The following SLC36A4 variants were observed in gnomAD, a reference collection of about 807,000 sequenced individuals.
SLC36A4 encodes solute carrier family 36 member 4.
Under a neutral mutation model 50.5 loss-of-function variants are expected in SLC36A4, and 49 were observed. The observed-to-expected ratio is 0.97, with a 90% CI of 0.77 to 1.23. The LOEUF (loss-of-function observed/expected upper bound fraction) is 1.23, where lower values mean the gene tolerates loss of function less well. Among genes scored for constraint, SLC36A4 ranks in the 50% most tolerant of loss-of-function variants. The pLI is 0.00. For missense variants in SLC36A4, 611 were observed against 608.4 expected (o/e 1.00, Z -0.05); for synonymous variants, 207 against 206.5 (o/e 1.00, Z -0.02).
At chr11:93,189,904 T>C (rs1862144146) in intron 1 of SLC36A4, among the ~76,000 whole-genome samples, 2 of 152,220 alleles carry the variant, frequency 1.3e-5, no homozygotes, top group East Asian at 1.9e-4. Flanking sequence ...CCTGGAAATC[T>C]AGAATTGTTA....
intron 6 of SLC36A4, among the ~76,000 whole-genome samples, chr11:93,172,780 A>AT (rs1434350149): frequency 1.6e-5 from 2 of 127,112 alleles, no homozygotes; most frequent in Non-Finnish European, 3.3e-5. Context: ...TGAACTCATC[A>AT]TTTTTTATGG....
Position 93,197,960 on chromosome 11 carries a change from G to T in SLC36A4, c.-128C>A. 1.0e-6 allele frequency: 1 copy of T among 999,562 alleles called. No individual in the cohort carries two copies. Among genetic ancestry groups the T allele is most frequent in the Non-Finnish European group, 1.4e-6 (1 of 737,678 alleles). The allele number at this position is 999,562 out of a possible 1,614,324, so 61.9% of individuals were successfully genotyped here. A position where few individuals can be genotyped will look rare whatever the true frequency, so the allele number is the denominator to read the frequency against. On this transcript the variant is annotated 5_prime_UTR_variant, in exon 1 of 11. Transcript: ENST00000326402. ...CGCCTGGTGCCCGCCTCCCTGCCCCGGCGCTCCCCAACCGCGCGGCGAGGA... is the reference window on the plus strand; with the variant it reads ...CGCCTGGTGCCCGCCTCCCTGCCCCTGCGCTCCCCAACCGCGCGGCGAGGA...
At chr11:93,171,224 G>C (rs1250327748) in intron 6 of SLC36A4, 1 of 151,510 alleles carries the variant, frequency 6.6e-6, no homozygotes, top group East Asian at 1.9e-4. Flanking sequence ...TTTTCTACCT[G>C]ATCTTCTTAG....
At chr11:93,164,308 C>A (rs1198502860) in intron 8 of SLC36A4, among the ~76,000 whole-genome samples, 1 of 152,048 alleles carries the variant, frequency 6.6e-6, no homozygotes, top group African/African-American at 2.4e-5. Flanking sequence ...TGAAAAAGAA[C>A]CTTTAAAGAA....
At position 93,146,988 on chromosome 11, in the gene SLC36A4, G is replaced by C. The variant is rs938377700; in HGVS notation, c.*1549C>G. 4 of 151,986 alleles carry C rather than the reference G, an allele frequency of 2.6e-5. No individual in the cohort carries two copies. Among genetic ancestry groups the C allele is most frequent in the African/African-American group, 9.7e-5 (4 of 41,408 alleles). 9.4% of individuals were successfully genotyped at this position (151,986 alleles called of 1,614,324 possible). A position where few individuals can be genotyped will look rare whatever the true frequency, so the allele number is the denominator to read the frequency against. ...CTTGTATATATTTATTGTTGTTTTAGTTTTTAAGAGTTGGGATCTCCCTCT... is the reference window on the plus strand; with the variant it reads ...CTTGTATATATTTATTGTTGTTTTACTTTTTAAGAGTTGGGATCTCCCTCT... On this transcript the variant is annotated 3_prime_UTR_variant, in exon 11 of 11. Transcript: ENST00000326402.
chr11:93,148,972 T>C, intron 10 of SLC36A4, 128 bp from the exon 11 acceptor site: 1 of 1,021,416 alleles, frequency 9.8e-7, no homozygotes, highest in Non-Finnish European at 1.4e-6. Flanking sequence ...ACTACTAAAC[T>C]ATTGCTTGTG....
At position 93,146,503 on chromosome 11, in the gene SLC36A4, G is replaced by A. The variant is rs9787755; in HGVS notation, c.*2034C>T. ...AAAAGTATCTCAAACAATTACTGTT[G>A]ATACCTAATGTGAATGGTTAAAAAA... On this transcript the variant is annotated 3_prime_UTR_variant, in exon 11 of 11. Transcript: ENST00000326402. 1 of 151,918 alleles carries A rather than the reference G, an allele frequency of 6.6e-6. No individual in the cohort carries two copies. The highest frequency in any genetic ancestry group is 1.5e-5 in the Non-Finnish European group (1 of 67,918). 9.4% of individuals were successfully genotyped at this position (151,918 alleles called of 1,614,324 possible).
At chr11:93,167,022 T>C (rs1860901024) in intron 7 of SLC36A4, 1 of 152,168 alleles carries the variant, frequency 6.6e-6, no homozygotes, top group South Asian at 2.1e-4. Context: ...GAAACCTCCT[T>C]TTCTGCTTAA....
At chr11:93,184,280 T>TGAAGG in intron 3 of SLC36A4, 150 bp downstream of exon 3, 1 of 659,558 alleles carries the variant, frequency 1.5e-6, no homozygotes, top group South Asian at 1.8e-5. Context: ...AATATCATTA[T>TGAAGG]CACAGTTGAC....
intron 9 of SLC36A4, 35 bp downstream of exon 9, chr11:93,162,671 T>A: frequency 6.7e-7 from 1 of 1,496,988 alleles, no homozygotes; most frequent in Non-Finnish European, 9.1e-7. Context: ...TTATAAAATA[T>A]ATAAACTAAT....
intron 8 of SLC36A4, among the ~76,000 whole-genome samples, chr11:93,164,169 A>G (rs1860758318): frequency 6.6e-6 from 1 of 152,166 alleles, no homozygotes; most frequent in Non-Finnish European, 1.5e-5. Flanking sequence ...CTCTCTCAGG[A>G]GACAGAACTA....
In SLC36A4 at chr11:93,167,833, G is replaced by A. The variant is rs190929213; in HGVS notation, c.768+111C>T. 1,039 of 663,660 alleles carry A rather than the reference G, an allele frequency of 1.6e-3. 1 individual carries two copies. The highest frequency in any genetic ancestry group is 3.1e-3 in the Admixed American group (107 of 35,076). The allele number at this position is 663,660 out of a possible 1,614,324, so 41.1% of individuals were successfully genotyped here. On this transcript the variant is annotated intron_variant, in intron 7 of 10. Coordinates refer to ENST00000326402, the MANE Select transcript of SLC36A4 (RefSeq NM_152313.4). ...AACATTTACTGATTGCACACTGTGT[G>A]CCACATATGAAGTAGGGGTCTTTGC... is the stretch of plus-strand genomic sequence containing the variant.
chr11:93,152,948 T>A (rs1460850031), intron 10 of SLC36A4, among the ~76,000 whole-genome samples: 2 of 152,168 alleles, frequency 1.3e-5, no homozygotes, highest in East Asian at 1.9e-4. Context: ...TCATTTGTCA[T>A]CAGAGTATGG....
intron 4 of SLC36A4, chr11:93,182,312 A>G (rs918618994): frequency 1.2e-5 from 10 of 861,504 alleles, no homozygotes; most frequent in Non-Finnish European, 1.4e-5. Flanking sequence ...AGAGTATATA[A>G]CAACAACAAA....
At chr11:93,175,014 A>G (rs1861387443) in intron 6 of SLC36A4, among the ~76,000 whole-genome samples, 1 of 151,582 alleles carries the variant, frequency 6.6e-6, no homozygotes, top group South Asian at 2.1e-4. Flanking sequence ...ATACTTTCAG[A>G]AGGAATGGTA....
rs1859823451 is a variant in SLC36A4, at chr11:93,145,189, TAA to T, written c.*3346_*3347del. The T allele has an allele frequency of 6.6e-6, 1 of 152,184 alleles. No homozygotes were observed. The highest frequency in any genetic ancestry group is 6.5e-5 in the Admixed American group (1 of 15,268). The allele number at this position is 152,184 out of a possible 1,614,324, so 9.4% of individuals were successfully genotyped here. ...GTAATATTTTATAGTATTTTGCAGT[TAA>T]AGAGATTTTACATAACTACTATGAA... On this transcript the variant is annotated 3_prime_UTR_variant, in exon 11 of 11. Coordinates refer to ENST00000326402, the MANE Select transcript of SLC36A4 (RefSeq NM_152313.4).
At chr11:93,183,023 A>G in intron 3 of SLC36A4, 129 bp from the exon 4 acceptor site, 2 of 624,220 alleles carry the variant, frequency 3.2e-6, no homozygotes, top group Non-Finnish European at 5.6e-6. Context: ...TAGTCATTGC[A>G]TAAGGGAAAA....
intron 1 of SLC36A4, among the ~76,000 whole-genome samples, chr11:93,194,501 GCTATTTACATACCTTA>G (rs1337257099): frequency 2.6e-5 from 4 of 152,094 alleles, no homozygotes; most frequent in African/African-American, 9.7e-5. Flanking sequence ...CAGACCTTAA[GCTATTTACATACCTTA>G]CGAGAACCTG....
chr11:93,148,464 A>C lies in SLC36A4; in HGVS notation c.*73T>G, dbSNP rs1172403859. Reference sequence around the variant, plus strand: ...TTGTTACCATTTTTATGTATATAGCAATGTATTTTACTAGTTATCTTGATA... The same window carrying C: ...TTGTTACCATTTTTATGTATATAGCCATGTATTTTACTAGTTATCTTGATA... On this transcript the variant is annotated 3_prime_UTR_variant, in exon 11 of 11. Transcript: ENST00000326402. 1 of 1,249,880 alleles carries C rather than the reference A, an allele frequency of 8.0e-7. No homozygotes were observed. The highest frequency in any genetic ancestry group is 1.1e-6 in the Non-Finnish European group (1 of 874,892). The allele number at this position is 1,249,880 out of a possible 1,614,324, so 77.4% of individuals were successfully genotyped here.
Sources: allele counts gnomAD v4.1 joint callset (sites outside exome capture counted in the v4.1 genomes callset), GRCh38; gene constraint gnomAD v4.1.1; transcripts MANE v1.5; gene names NCBI Gene and HGNC (gene_info 2026-07-23, HGNC 2026-07-21).